ACACB: variants seen among roughly 807,000 people sequenced by gnomAD.
ACACB encodes acetyl-CoA carboxylase beta, also known as acetyl-CoA carboxylase 2.
Under a neutral mutation model 278.8 loss-of-function variants are expected in ACACB, and 209 were observed. That is an observed-to-expected ratio of 0.75 (90% CI 0.67 to 0.84). The LOEUF (loss-of-function observed/expected upper bound fraction) is 0.84. ACACB is among the 40% of genes least tolerant of loss of function. ACACB has a pLI of 0.00. For missense variants in ACACB, 2,850 were observed against 3,269.0 expected (o/e 0.87, Z 3.13); for synonymous variants, 1,174 against 1,285.6 (o/e 0.91, Z 1.86).
At chr12:109,215,260 G>A (rs1415304965) in intron 22 of ACACB, among the ~76,000 whole-genome samples, 3 of 151,898 alleles carry the variant, frequency 2.0e-5, no homozygotes, top group African/African-American at 7.3e-5. Flanking sequence ...CCCCTGTTCA[G>A]TATCCGAAAT....
chr12:109,143,164 A>G (rs1654870), intron 2 of ACACB, among the ~76,000 whole-genome samples: 9,102 of 152,080 alleles, frequency 0.06, 307 homozygotes, highest in African/African-American at 0.096. Context: ...TATCATCTTT[A>G]GAATGAGGAG....
intron 1 of ACACB, among the ~76,000 whole-genome samples, chr12:109,132,113 G>A (rs1204643983): frequency 6.6e-6 from 1 of 152,092 alleles, no homozygotes; most frequent in Non-Finnish European, 1.5e-5. Context: ...AGTTTACCAA[G>A]CTGTAAAATG....
intron 21 of ACACB, among the ~76,000 whole-genome samples, chr12:109,211,370 C>T (rs1418650819): frequency 4.3e-5 from 6 of 140,808 alleles, no homozygotes; most frequent in African/African-American, 1.6e-4. Context: ...TTTTTGAGAC[C>T]TCCCGAATAG....
At chr12:109,196,885 C>A in intron 16 of ACACB, 123 bp from the exon 17 acceptor site, 1 of 1,153,452 alleles carries the variant, frequency 8.7e-7, no homozygotes. Flanking sequence ...GTCCGAGAGA[C>A]GGGGGTGTTC....
intron 40 of ACACB, 100 bp downstream of exon 40, chr12:109,247,803 G>A: frequency 2.1e-6 from 2 of 958,464 alleles, no homozygotes; most frequent in South Asian, 2.8e-5. Context: ...TGGGGTGGTG[G>A]TGTTTGTATG....
chr12:109,232,632 G>A, intron 28 of ACACB, 37 bp from the exon 29 acceptor site: 1 of 1,602,778 alleles, frequency 6.2e-7, no homozygotes, highest in South Asian at 1.1e-5. Context: ...GGGTCTGCAA[G>A]CAGCTGCCTC....
intron 11 of ACACB, among the ~76,000 whole-genome samples, chr12:109,182,370 C>T (rs1236093054): frequency 6.6e-6 from 1 of 151,658 alleles, no homozygotes; most frequent in Non-Finnish European, 1.5e-5. Context: ...GTTGTTTTAG[C>T]TTCTTTTTTG....
chr12:109,217,869 G>A (rs1565937283), intron 24 of ACACB, among the ~76,000 whole-genome samples: 1 of 152,198 alleles, frequency 6.6e-6, no homozygotes, highest in Non-Finnish European at 1.5e-5. Flanking sequence ...TTGGCACTGG[G>A]AAGATCATGA....
At chr12:109,254,130 C>A in intron 43 of ACACB, 84 bp from the exon 44 acceptor site, 2 of 1,528,210 alleles carry the variant, frequency 1.3e-6, no homozygotes, top group South Asian at 2.3e-5. Context: ...CAGGCATAAT[C>A]ATAGTCAGAG....
rs1041691571 is a variant in ACACB, at chr12:109,175,970, G to A, written c.1256G>A (p.Gly419Glu). The A allele has an allele frequency of 6.2e-5, 100 of 1,614,032 alleles. No individual in the cohort carries two copies. Among genetic ancestry groups the A allele is most frequent in the Non-Finnish European group, 8.1e-5 (96 of 1,180,030 alleles). The change falls in exon 8 of 53, where the codon GGA (glycine) becomes GAA (glutamate). Residue 419 changes from glycine (G) to glutamate (E), a missense_variant. Physicochemically the swap from Gly to Glu is moderately conservative, Grantham distance 98 (BLOSUM62 -2). Transcript: ENST00000338432. ...VEWTEDDLQQ[G>E]KRISVPEDVY... ...TGGACAGAAGATGATCTGCAGCAGG[G>A]AAAAAGAATCAGTGTCCCAGAAGAT...
chr12:109,158,278 C>T (rs1263711810), intron 2 of ACACB, among the ~76,000 whole-genome samples: 1 of 152,042 alleles, frequency 6.6e-6, no homozygotes, highest in Non-Finnish European at 1.5e-5. Context: ...TTGAACAGGC[C>T]TGGCTGTGTT....
In ACACB at chr12:109,234,032, T is replaced by A; in HGVS notation, c.4334T>A (p.Phe1445Tyr). 3 of 1,612,274 alleles carry A rather than the reference T, an allele frequency of 1.9e-6. No individual in the cohort carries two copies. In the South Asian group the frequency reaches 3.3e-5, roughly 18 times the overall value. ...DEALVPILRT[F>Y]VQSKKNILVD... ...GCACTGGTGCCGATTTTACGGACAT[T>A]CGTACAGTCCAAGGTACTCTGGGCG... The change falls in exon 31 of 53, where the codon TTC (phenylalanine) becomes TAC (tyrosine). Residue 1445 changes from phenylalanine to tyrosine, a missense_variant. Physicochemically the swap from Phe to Tyr is conservative, Grantham distance 22. Transcript: ENST00000338432.
chr12:109,227,661 C>CA (rs1327279157), intron 28 of ACACB, among the ~76,000 whole-genome samples, 172 bp downstream of exon 28: 4 of 152,352 alleles, frequency 2.6e-5, no homozygotes, highest in South Asian at 4.1e-4. Flanking sequence ...TCCCCTCTAA[C>CA]ATGGTGATAA....
At chr12:109,163,134 A>C (rs914934196) in intron 2 of ACACB, among the ~76,000 whole-genome samples, 2 of 152,134 alleles carry the variant, frequency 1.3e-5, no homozygotes, top group African/African-American at 2.4e-5. Flanking sequence ...CATGTTGTCC[A>C]TGCTGCTCTC....
At chr12:109,210,404 C>T (rs1325512729) in intron 21 of ACACB, among the ~76,000 whole-genome samples, 6 of 142,150 alleles carry the variant, frequency 4.2e-5, no homozygotes, top group Non-Finnish European at 9.1e-5. Flanking sequence ...TGTATATACA[C>T]GCACACACAT....
chr12:109,165,076 G>A (rs574679054), intron 2 of ACACB, among the ~76,000 whole-genome samples: 16 of 152,284 alleles, frequency 1.1e-4, no homozygotes, highest in Admixed American at 2.0e-4. Flanking sequence ...ATTGTCATGC[G>A]CCTTGCCATT....
At chr12:109,210,629 C>T (rs1052236328) in intron 21 of ACACB, among the ~76,000 whole-genome samples, 1 of 150,042 alleles carries the variant, frequency 6.7e-6, no homozygotes, top group Non-Finnish European at 1.5e-5. Flanking sequence ...AAGAATTATA[C>T]TGAGGTCGGG....
intron 4 of ACACB, among the ~76,000 whole-genome samples, chr12:109,170,647 G>A (rs1593458089): frequency 1.3e-5 from 2 of 152,148 alleles, no homozygotes. Context: ...AAGGACATGA[G>A]GGAGGGAGAG....
chr12:109,257,174 T>C (rs1452972533), intron 45 of ACACB, among the ~76,000 whole-genome samples: 15 of 152,064 alleles, frequency 9.9e-5, no homozygotes, highest in Admixed American at 9.8e-4. Flanking sequence ...CTCGGGGGGC[T>C]GAAGCAGCAG....
Sources: gnomAD v4.1 joint callset for allele counts (sites outside exome capture counted in the v4.1 genomes callset) on GRCh38, gnomAD v4.1.1 for gene constraint, MANE v1.5 for transcripts, NCBI Gene and HGNC (gene_info 2026-07-23, HGNC 2026-07-21) for gene names.